Variants in ARHGEF10 observed in about 807,000 individuals in gnomAD.
The protein encoded by ARHGEF10 is Rho guanine nucleotide exchange factor (GEF) 10.
In ARHGEF10, 140 loss-of-function variants were observed where a neutral mutation model predicts 147.4. That is an observed-to-expected ratio of 0.95 (90% CI 0.83 to 1.09). The LOEUF (loss-of-function observed/expected upper bound fraction) is 1.09, where lower values mean the gene tolerates loss of function less well. Among genes scored for constraint, ARHGEF10 ranks in the 50% least tolerant of loss-of-function variants. The pLI, the probability that ARHGEF10 is intolerant of heterozygous loss-of-function variation, is 0.00. For missense variants in ARHGEF10, 2,222 were observed against 1,752.7 expected, an observed-to-expected ratio of 1.27 and a Z score of -4.78; for synonymous variants, 902 against 695.8, an observed-to-expected ratio of 1.30 and a Z score of -4.67.
At chr8:1,940,371 T>C (rs1488814808) in intron 26 of ARHGEF10, among the ~76,000 whole-genome samples, 2 of 152,106 alleles carry the variant, frequency 1.3e-5, no homozygotes, top group Non-Finnish European at 2.9e-5. Flanking sequence ...AATTAGATAA[T>C]CTAGAAGAGA....
chr8:1,877,716 C>T (rs373878738), intron 8 of ARHGEF10, among the ~76,000 whole-genome samples: 6 of 134,204 alleles, frequency 4.5e-5, no homozygotes, highest in South Asian at 2.5e-4. Flanking sequence ...GCCGTGCCAC[C>T]GGTGTTTTGT....
At chr8:1,849,937 C>T (rs1464726633) in intron 2 of ARHGEF10, among the ~76,000 whole-genome samples, 1 of 137,312 alleles carries the variant, frequency 7.3e-6, no homozygotes, top group East Asian at 2.3e-4. Flanking sequence ...GGGCCGGCTG[C>T]GTGGACACAG....
At position 1,894,506 on chromosome 8, in the gene ARHGEF10, C is replaced by G; in HGVS notation, c.1374C>G (p.Ile458Met). The G allele has an allele frequency of 6.2e-7, 1 of 1,614,202 alleles. No individual in the cohort carries two copies. The highest frequency in any genetic ancestry group is 8.5e-7 in the Non-Finnish European group (1 of 1,180,030). ...TGCAGTGCCACTCGCTATTTCAGATCGCGCTGGCCAGCCGCGTTTCCGAGT... is the reference window on the plus strand; with the variant it reads ...TGCAGTGCCACTCGCTATTTCAGATGGCGCTGGCCAGCCGCGTTTCCGAGT... ...EILQCHSLFQ[I>M]ALASRVSEWD... The change falls in exon 13 of 29, where the codon ATC becomes ATG. Residue 458 changes from isoleucine (I) to methionine (M), a missense_variant. Transcript: ENST00000349830.
intron 1 of ARHGEF10, among the ~76,000 whole-genome samples, chr8:1,833,260 AGGC>A: frequency 6.6e-6 from 1 of 151,006 alleles, no homozygotes; most frequent in Non-Finnish European, 1.5e-5. Flanking sequence ...GCCGAGACAG[AGGC>A]AGAGGCAGAG....
intron 18 of ARHGEF10, among the ~76,000 whole-genome samples, chr8:1,911,826 C>G (rs921492753): frequency 6.6e-6 from 1 of 152,234 alleles, no homozygotes; most frequent in African/African-American, 2.4e-5. Flanking sequence ...CATCCATGAA[C>G]CACATCTCCA....
At chr8:1,889,711 A>C (rs1339420375) in intron 11 of ARHGEF10, among the ~76,000 whole-genome samples, 1 of 97,620 alleles carries the variant, frequency 1.0e-5, no homozygotes, top group Non-Finnish European at 2.0e-5. Context: ...GTTTGTGAGG[A>C]GACCCTGAGT....
intron 7 of ARHGEF10, among the ~76,000 whole-genome samples, chr8:1,875,399 A>G (rs1807609657): frequency 6.6e-6 from 1 of 152,050 alleles, no homozygotes; most frequent in South Asian, 2.1e-4. Context: ...GGCTCTCAGG[A>G]TGACTCTTGG....
chr8:1,951,934 G>GTCTTCCCTGTAACCACCGTGAGGCGGGA (rs1815088616), intron 27 of ARHGEF10, among the ~76,000 whole-genome samples: 1 of 152,228 alleles, frequency 6.6e-6, no homozygotes, highest in Admixed American at 6.5e-5. Flanking sequence ...GTGAGGCGGG[G>GTCTTCCCTGTAACCACCGTGAGGCGGGA]TCTTCCCTGT....
chr8:1,844,597 G>T (rs115563391), intron 2 of ARHGEF10, among the ~76,000 whole-genome samples: 3,352 of 152,220 alleles, frequency 0.022, 116 homozygotes, highest in African/African-American at 0.076. Flanking sequence ...GGAGCCGCAA[G>T]ACCACGGGGT....
At chr8:1,860,647 C>T (rs1243391689) in intron 4 of ARHGEF10, among the ~76,000 whole-genome samples, 2 of 152,208 alleles carry the variant, frequency 1.3e-5, no homozygotes, top group Non-Finnish European at 2.9e-5. Context: ...ATTTTTGAAA[C>T]AACGTCTGGT....
intron 1 of ARHGEF10, among the ~76,000 whole-genome samples, chr8:1,833,522 G>C (rs74304056): frequency 6.6e-6 from 1 of 152,114 alleles, no homozygotes; most frequent in African/African-American, 2.4e-5. Context: ...CACTGCATCC[G>C]CCCCAAGCAC....
At chr8:1,898,188 G>A (rs913138152) in intron 14 of ARHGEF10, among the ~76,000 whole-genome samples, 28 of 152,164 alleles carry the variant, frequency 1.8e-4, no homozygotes, top group Non-Finnish European at 3.8e-4. Context: ...CCCCTGGCCC[G>A]GGGAATTCAC....
chr8:1,885,780 A>T, intron 11 of ARHGEF10, 73 bp downstream of exon 11: 1 of 1,196,414 alleles, frequency 8.4e-7, no homozygotes, highest in Non-Finnish European at 1.2e-6. Context: ...TGTGTGTTTG[A>T]TGCTGGTTGG....
chr8:1,839,676 A>AGCTG (rs1563157802), intron 1 of ARHGEF10, among the ~76,000 whole-genome samples: 48 of 36,604 alleles, frequency 1.3e-3, no homozygotes, highest in East Asian at 4.7e-3. Context: ...CTGGTGTGGA[A>AGCTG]ACTGGTGTGG....
At position 1,831,425 on chromosome 8, in the gene ARHGEF10, C is replaced by A. The variant is rs530108838; in HGVS notation, c.-48+7312C>A. Among the ~76,000 whole-genome samples the A allele has an allele frequency of 2.5e-4, 32 of 126,852 alleles. 3 individuals carry two copies. The South Asian group carries it at 7.7e-3, about 30-fold the overall frequency. 83.2% of individuals were successfully genotyped at this position (126,852 alleles called of 152,430 possible). On this transcript the variant is annotated intron_variant, in intron 1 of 28. Transcript: ENST00000349830. ...ACAGTGTGTGATGGCTGTGGAGAGACAGTGTGACATCTGTGGAGGGACAGT... is the reference window on the plus strand; with the variant it reads ...ACAGTGTGTGATGGCTGTGGAGAGAAAGTGTGACATCTGTGGAGGGACAGT...
intron 1 of ARHGEF10, among the ~76,000 whole-genome samples, chr8:1,826,633 G>A (rs548349613): frequency 6.6e-6 from 1 of 152,276 alleles, no homozygotes; most frequent in Admixed American, 6.5e-5. Flanking sequence ...AAAGATGTTT[G>A]GCATAAATTA....
intron 2 of ARHGEF10, among the ~76,000 whole-genome samples, chr8:1,849,275 A>T (rs1180668868): frequency 7.9e-6 from 1 of 126,604 alleles, no homozygotes; most frequent in African/African-American, 3.1e-5. Context: ...AGAAGGGCGT[A>T]GGGCGGCCGT....
Position 1,869,203 on chromosome 8 carries a change from A to C in ARHGEF10, c.632A>C (p.Glu211Ala). The C allele has an allele frequency of 6.2e-7, 1 of 1,613,854 alleles. No individual in the cohort carries two copies. Residue 211 changes from glutamate to alanine, a missense_variant, in exon 7 of 29, where the codon GAA (glutamate) becomes GCA (alanine). Physicochemically the swap from Glu to Ala is moderately radical, Grantham distance 107. Transcript: ENST00000349830. The stretch of plus-strand genomic sequence containing the variant: ...TCCCCGTTTATTGCAGATCCAGAGG[A>C]AGCAATTTACGATGACGTTCCAAGG... Reference protein sequence around the residue: ...ANTAWMENPEEAIYDDVPREN... With the variant: ...ANTAWMENPEAAIYDDVPREN...
chr8:1,853,468 C>G (rs116342689), intron 2 of ARHGEF10, among the ~76,000 whole-genome samples: 1,872 of 152,322 alleles, frequency 0.012, 41 homozygotes, highest in African/African-American at 0.043. Context: ...TTCAGCAGCC[C>G]TTGAGCATCT....
Sources: allele counts gnomAD v4.1 joint callset (sites outside exome capture counted in the v4.1 genomes callset), GRCh38; gene constraint gnomAD v4.1.1; transcripts MANE v1.5; gene names NCBI Gene and HGNC (gene_info 2026-07-23, HGNC 2026-07-21).